Variants in AGBL1 observed in about 807,000 individuals in gnomAD.
AGBL1 encodes AGBL carboxypeptidase 1.
A neutral mutation model predicts 118.9 loss-of-function variants in AGBL1; 130 were observed. That is an observed-to-expected ratio of 1.09 (90% CI 0.95 to 1.26). AGBL1 has a LOEUF of 1.26. Ranked by LOEUF, AGBL1 falls within the 50% of genes most tolerant of loss-of-function variation. The probability of loss-of-function intolerance (pLI) is 0.00; values close to 1 mark genes in which losing one functional copy is unlikely to be tolerated. For missense variants in AGBL1, 1,584 were observed against 1,298.1 expected, an observed-to-expected ratio of 1.22 and a Z score of -3.38; for synonymous variants, 555 against 478.9, an observed-to-expected ratio of 1.16 and a Z score of -2.08.
At chr15:86,776,770 G>GTA in intron 22 of AGBL1, among the ~76,000 whole-genome samples, 1 of 150,796 alleles carries the variant, frequency 6.6e-6, no homozygotes, top group South Asian at 2.1e-4. Flanking sequence ...GTGTGTGTGT[G>GTA]TGTGTGTGTG....
chr15:86,642,078 A>G (rs1246551894), intron 21 of AGBL1, among the ~76,000 whole-genome samples: 1 of 152,190 alleles, frequency 6.6e-6, no homozygotes, highest in Admixed American at 6.6e-5. Context: ...TGCTTGCATC[A>G]TGTCCACAAA....
intron 22 of AGBL1, among the ~76,000 whole-genome samples, chr15:86,761,330 T>C (rs2078021223): frequency 6.6e-6 from 1 of 152,080 alleles, no homozygotes; most frequent in Non-Finnish European, 1.5e-5. Flanking sequence ...AAAGTAAGGA[T>C]TTAATTTTAC....
At chr15:86,094,261 C>CT (rs1330904131) in intron 1 of AGBL1, among the ~76,000 whole-genome samples, 2 of 152,092 alleles carry the variant, frequency 1.3e-5, no homozygotes, top group East Asian at 3.8e-4. Flanking sequence ...TGATAATACT[C>CT]TATTTGATTT....
chr15:86,444,811 A>T (rs993430668), intron 18 of AGBL1, among the ~76,000 whole-genome samples: 3 of 152,138 alleles, frequency 2.0e-5, no homozygotes, highest in African/African-American at 7.2e-5. Flanking sequence ...TCACAGTCCC[A>T]TGACAACCAC....
At chr15:86,880,541 T>A (rs919320580) in intron 22 of AGBL1, among the ~76,000 whole-genome samples, 1 of 151,792 alleles carries the variant, frequency 6.6e-6, no homozygotes, top group African/African-American at 2.4e-5. Context: ...GAGCTTGGGG[T>A]TTTTCCTGTG....
intron 16 of AGBL1, among the ~76,000 whole-genome samples, chr15:86,282,260 C>T (rs2079366995): frequency 1.3e-5 from 2 of 152,184 alleles, no homozygotes; most frequent in East Asian, 1.9e-4. Flanking sequence ...CCTCTCTCCA[C>T]CAGTCACTAA....
intron 18 of AGBL1, among the ~76,000 whole-genome samples, chr15:86,407,058 A>T (rs2081539488): frequency 6.6e-6 from 1 of 152,178 alleles, no homozygotes; most frequent in Non-Finnish European, 1.5e-5. Flanking sequence ...TCCTTGTACT[A>T]ATGGATAGAA....
chr15:86,730,542 C>T (rs2077513518), intron 22 of AGBL1, among the ~76,000 whole-genome samples: 1 of 152,050 alleles, frequency 6.6e-6, no homozygotes, highest in South Asian at 2.1e-4. Flanking sequence ...CAGGCTTATT[C>T]AGATACAATG....
At chr15:86,316,333 C>G (rs1191209717) in intron 17 of AGBL1, among the ~76,000 whole-genome samples, 2 of 152,162 alleles carry the variant, frequency 1.3e-5, no homozygotes, top group Non-Finnish European at 2.9e-5. Flanking sequence ...GTGCTTGATT[C>G]ATTTTTTCTT....
chr15:87,015,866 C>T (rs1056649681), intron 24 of AGBL1, among the ~76,000 whole-genome samples: 5 of 152,068 alleles, frequency 3.3e-5, no homozygotes, highest in African/African-American at 1.2e-4. Flanking sequence ...TCATCTAATG[C>T]CTTTAAGGTA....
rs544094832 is a variant in AGBL1 at position 86,264,819 on chromosome 15, C to T, written c.1648C>T (p.Arg550Ter). 5.0e-5 allele frequency: 80 copies of T among 1,608,042 alleles called. No individual in the cohort carries two copies. The highest frequency in any genetic ancestry group is 2.4e-4 in the South Asian group (22 of 89,892). ...TCCCACCACCCAGCCTATGTTGGAA[C>T]GAAAATGTGGAGTCCAAAGGTGATG... is the stretch of plus-strand genomic sequence containing the variant. ...PPPTTQPMLE[R>*]KCGVQRIRIF... The change falls in exon 11 of 23, where the codon CGA becomes TGA. Residue 550 changes from arginine (R) to a stop codon, truncating the protein, a stop_gained. Coordinates refer to ENST00000614907, the MANE Select transcript of AGBL1 (RefSeq NM_001386094.1). LOFTEE classifies it high-confidence loss of function.
chr15:86,106,022 C>T (rs561229840), intron 1 of AGBL1, among the ~76,000 whole-genome samples: 54 of 152,314 alleles, frequency 3.5e-4, no homozygotes, highest in African/African-American at 1.3e-3. Context: ...AAATGTTTTG[C>T]TCCCATGTGG....
At chr15:86,220,284 G>A (rs2078261211) in intron 5 of AGBL1, among the ~76,000 whole-genome samples, 1 of 152,118 alleles carries the variant, frequency 6.6e-6, no homozygotes, top group Non-Finnish European at 1.5e-5. Context: ...TGAAACTTGG[G>A]AAGATTATTT....
chr15:86,976,316 A>AT (rs1158054240), intron 23 of AGBL1, among the ~76,000 whole-genome samples: 3 of 151,534 alleles, frequency 2.0e-5, no homozygotes, highest in East Asian at 1.9e-4. Flanking sequence ...TTGTTCATAA[A>AT]TTTTTTATTA....
chr15:86,871,744 G>C (rs930028808), intron 22 of AGBL1, among the ~76,000 whole-genome samples: 3 of 152,088 alleles, frequency 2.0e-5, no homozygotes, highest in Non-Finnish European at 2.9e-5. Flanking sequence ...AAATAACACA[G>C]CTCTGACTTC....
Position 86,416,961 on chromosome 15 carries a change from C to T in AGBL1, c.2555+19415C>T, listed in dbSNP as rs1183673912. On this transcript the variant is annotated intron_variant, in intron 18 of 22. Transcript: ENST00000614907. ...TTTCTCTTGGACAAAGATCTTATCC[C>T]TATTATTCCACAGAGGAAGACAGTG... Among the ~76,000 whole-genome samples the T allele has an allele frequency of 2.6e-5, 4 of 152,306 alleles. No homozygotes were observed. In the East Asian group the frequency reaches 7.7e-4, roughly 29 times the overall value.
intron 1 of AGBL1, among the ~76,000 whole-genome samples, chr15:86,109,365 C>T (rs1227797598): frequency 6.6e-6 from 1 of 152,094 alleles, no homozygotes; most frequent in Non-Finnish European, 1.5e-5. Context: ...TGACAAATAC[C>T]ACAAGCTTCA....
At chr15:87,028,168 C>T (rs747150560) in intron 24 of AGBL1, among the ~76,000 whole-genome samples, 1 of 151,884 alleles carries the variant, frequency 6.6e-6, no homozygotes, top group Non-Finnish European at 1.5e-5. Flanking sequence ...GTGCCCTTTG[C>T]TTATTGATCA....
chr15:86,985,122 G>A (rs945814191), intron 23 of AGBL1, among the ~76,000 whole-genome samples: 10 of 152,030 alleles, frequency 6.6e-5, no homozygotes, highest in Non-Finnish European at 1.0e-4. Flanking sequence ...ATGCTATATT[G>A]TGTTTTTCCA....
Sources: gnomAD v4.1 joint callset for allele counts (sites outside exome capture counted in the v4.1 genomes callset) on GRCh38, gnomAD v4.1.1 for gene constraint, MANE v1.5 for transcripts, NCBI Gene and HGNC (gene_info 2026-07-23, HGNC 2026-07-21) for gene names.